CPAMD8: variants seen among roughly 807,000 people sequenced by gnomAD.
The protein encoded by CPAMD8 is C3 and PZP like alpha-2-macroglobulin domain containing 8, also known as C3 and PZP-like alpha-2-macroglobulin domain-containing protein 8.
Under a neutral mutation model 224.7 loss-of-function variants are expected in CPAMD8, and 146 were observed. The ratio of observed to expected loss-of-function variants is 0.65; its 90% confidence interval spans 0.57 to 0.75. CPAMD8 has a LOEUF of 0.75. Among genes scored for constraint, CPAMD8 ranks in the 30% least tolerant of loss-of-function variants. The pLI is 0.00. For missense variants in CPAMD8, 2,301 were observed against 2,537.5 expected (o/e 0.91, Z 2.00); for synonymous variants, 966 against 1,044.6 (o/e 0.92, Z 1.45).
intron 10 of CPAMD8, among the ~76,000 whole-genome samples, chr19:16,998,990 T>C (rs937950288): frequency 2.6e-5 from 4 of 152,146 alleles, no homozygotes; most frequent in African/African-American, 9.7e-5. Flanking sequence ...GGGAATATGA[T>C]GCAGCCATAA....
chr19:16,970,969 T>C lies in CPAMD8; in HGVS notation c.2135A>G (p.Tyr712Cys), dbSNP rs2055041547. The change falls in exon 18 of 42, where the codon TAC becomes TGC. Residue 712 changes from tyrosine to cysteine, a missense_variant. This residue lies in a region of CPAMD8 where 1,709 missense variants were observed against 1,753.2 expected (regional missense o/e 0.97). Transcript: ENST00000443236. ...SLNHRQDGGL[Y>C]TDEAVPAFQP... ...GAAAGCGGGGACAGCCTCATCGGTG[T>C]AGAGGCCACCGTCCTGCCGGTGGTT... 6.2e-7 allele frequency: 1 copy of C among 1,613,360 alleles called. No homozygotes were observed. Among genetic ancestry groups the C allele is most frequent in the Admixed American group, 1.7e-5 (1 of 59,970 alleles).
At chr19:16,986,411 C>T (rs947504509) in intron 13 of CPAMD8, among the ~76,000 whole-genome samples, 2 of 152,168 alleles carry the variant, frequency 1.3e-5, no homozygotes, top group Admixed American at 6.5e-5. Flanking sequence ...GAACAACAGT[C>T]TGGCCAGCTG....
At chr19:16,940,301 C>G (rs1007860136) in intron 22 of CPAMD8, among the ~76,000 whole-genome samples, 1 of 152,182 alleles carries the variant, frequency 6.6e-6, no homozygotes, top group Admixed American at 6.5e-5. Context: ...ACCTATCCTA[C>G]AGATGTATGT....
rs574403727 is a variant in CPAMD8 at position 17,015,582 on chromosome 19, T to C, written c.268-3825A>G. 4.6e-5 allele frequency among the ~76,000 whole-genome samples: 7 copies of C among 152,326 alleles called. No homozygotes were observed. The East Asian group carries it at 1.4e-3, about 29-fold the overall frequency. ...CCTGCCACCCGCAGGACCAGCCTTC[T>C]GGACCTGTGAGGTCTCTTCTGACTG... On this transcript the variant is annotated intron_variant, in intron 3 of 41. Transcript: ENST00000443236.
Position 16,893,391 on chromosome 19 carries a change from GC to G in CPAMD8, c.5427-53del, listed in dbSNP as rs58419684. The G allele has an allele frequency of 1.5e-3, 1,961 of 1,287,946 alleles. 28 individuals are homozygous for G. The African/African-American group carries it at 0.024, about 16-fold the overall frequency. The allele number at this position is 1,287,946 out of a possible 1,614,324, so 79.8% of individuals were successfully genotyped here. A position where few individuals can be genotyped will look rare whatever the true frequency, so the allele number is the denominator to read the frequency against. On this transcript the variant is annotated intron_variant, in intron 41 of 41. Coordinates refer to ENST00000443236, the MANE Select transcript of CPAMD8 (RefSeq NM_015692.5). ...ATCCTCTACAGCAAGTGGGCACGGG[GC>G]CTCGGGCTGAGGAAGGAGCCACAGG...
chr19:16,992,985 G>C (rs2056005779), intron 12 of CPAMD8, among the ~76,000 whole-genome samples: 1 of 151,556 alleles, frequency 6.6e-6, no homozygotes, highest in Admixed American at 6.6e-5. Flanking sequence ...CTTCCACTGA[G>C]CACCCGTGAG....
intron 1 of CPAMD8, among the ~76,000 whole-genome samples, chr19:17,025,982 C>T (rs1211250532): frequency 6.6e-6 from 1 of 152,070 alleles, no homozygotes; most frequent in Non-Finnish European, 1.5e-5. Flanking sequence ...ACCAGGGCAG[C>T]CCCCCTGAAC....
rs1024854430 is a variant in CPAMD8 at position 17,020,819 on chromosome 19, G to A, written c.245-466C>T. ...ACTGTACTAGGTTTCTGGCCTCCAGGACTCAATTAGGTATCTATTATTTTT... is the reference window on the plus strand; with the variant it reads ...ACTGTACTAGGTTTCTGGCCTCCAGAACTCAATTAGGTATCTATTATTTTT... On this transcript the variant is annotated intron_variant, in intron 2 of 41. Coordinates refer to ENST00000443236, the MANE Select transcript of CPAMD8 (RefSeq NM_015692.5). Among the ~76,000 whole-genome samples, 65 of 152,178 alleles carry A rather than the reference G, an allele frequency of 4.3e-4. 1 individual carries two copies. The highest frequency in any genetic ancestry group is 5.9e-5 in the Non-Finnish European group (4 of 68,038).
intron 3 of CPAMD8, among the ~76,000 whole-genome samples, chr19:17,016,693 G>A (rs921891978): frequency 1.3e-5 from 2 of 152,166 alleles, no homozygotes; most frequent in Admixed American, 1.3e-4. Flanking sequence ...CCAGGAGGCA[G>A]AGGTTGCAGT....
intron 12 of CPAMD8, 106 bp from the exon 13 acceptor site, chr19:16,989,877 C>A (rs548358647): frequency 1.9e-6 from 2 of 1,070,190 alleles, no homozygotes; most frequent in South Asian, 2.7e-5. Flanking sequence ...CTCTCATGCT[C>A]CAATATCCCT....
intron 13 of CPAMD8, among the ~76,000 whole-genome samples, chr19:16,983,644 C>T (rs1435264122): frequency 1.3e-5 from 2 of 152,060 alleles, no homozygotes; most frequent in East Asian, 1.9e-4. Flanking sequence ...GACGTGATGA[C>T]TAAATGTGAC....
intron 27 of CPAMD8, among the ~76,000 whole-genome samples, chr19:16,916,590 T>A (rs996815849): frequency 5.9e-5 from 9 of 151,506 alleles, no homozygotes; most frequent in Non-Finnish European, 7.4e-5. Context: ...TAAAAAAAAA[T>A]TAGCCAGGCG....
intron 3 of CPAMD8, among the ~76,000 whole-genome samples, chr19:17,015,155 T>C (rs916479909): frequency 3.9e-5 from 6 of 152,126 alleles, no homozygotes; most frequent in Admixed American, 2.6e-4. Flanking sequence ...GGCAGCAGAA[T>C]CGCTTGAACC....
intron 30 of CPAMD8, among the ~76,000 whole-genome samples, chr19:16,905,569 G>A (rs184640509): frequency 0.041 from 3,712 of 89,976 alleles, no homozygotes; most frequent in Non-Finnish European, 0.044. Context: ...AGGAAGAAAA[G>A]AAAAAAAAAA....
chr19:16,996,175 T>A (rs2056116526), intron 11 of CPAMD8, among the ~76,000 whole-genome samples: 1 of 149,872 alleles, frequency 6.7e-6, no homozygotes, highest in South Asian at 2.1e-4. Flanking sequence ...AATAAAAATT[T>A]AAAAATAAAA....
chr19:16,929,680 ACT>A (rs1258721110), intron 23 of CPAMD8, among the ~76,000 whole-genome samples: 5 of 152,172 alleles, frequency 3.3e-5, no homozygotes, highest in African/African-American at 1.2e-4. Flanking sequence ...AGCCTGGGTG[ACT>A]CTCTCTCTAA....
intron 23 of CPAMD8, among the ~76,000 whole-genome samples, chr19:16,931,339 C>A (rs1024597833): frequency 5.3e-5 from 8 of 152,184 alleles, no homozygotes; most frequent in Non-Finnish European, 8.8e-5. Context: ...CACCTGAGCG[C>A]TCCTCCTAGG....
chr19:16,900,033 T>A (rs915692269), intron 36 of CPAMD8, among the ~76,000 whole-genome samples: 1 of 152,170 alleles, frequency 6.6e-6, no homozygotes, highest in Middle Eastern at 3.4e-3. Context: ...CCAGCTTTCC[T>A]GTTCCACCCT....
intron 14 of CPAMD8, among the ~76,000 whole-genome samples, chr19:16,979,015 TTCATCCATCCATCATCCAC>T (rs2055387796): frequency 2.0e-5 from 3 of 149,778 alleles, no homozygotes; most frequent in African/African-American, 7.5e-5. Context: ...CATCCATCTG[TTCATCCATCCATCATCCAC>T]TCATCCACCC....
Sources: gnomAD v4.1 joint callset for allele counts (sites outside exome capture counted in the v4.1 genomes callset) on GRCh38, gnomAD v4.1.1 for gene constraint, gnomAD v4.1.1 regional missense constraint, MANE v1.5 for transcripts, NCBI Gene and HGNC (gene_info 2026-07-23, HGNC 2026-07-21) for gene names.